PLAG1: variants seen among roughly 807,000 people sequenced by gnomAD.
PLAG1 encodes zinc finger protein PLAG1.
Under a neutral mutation model 35.5 loss-of-function variants are expected in PLAG1, and 7 were observed. That is an observed-to-expected ratio of 0.20 (90% CI 0.11 to 0.37). PLAG1 has a LOEUF of 0.37. Among genes scored for constraint, PLAG1 ranks in the 10% least tolerant of loss-of-function variants. The pLI is 1.00. For synonymous variants in PLAG1, 229 were observed against 225.4 expected (o/e 1.02, Z -0.14); for missense variants, 454 against 602.8 (o/e 0.75, Z 2.58).
intron 1 of PLAG1, among the ~76,000 whole-genome samples, chr8:56,206,642 A>C (rs1812709512): frequency 6.6e-6 from 1 of 152,022 alleles, no homozygotes; most frequent in African/African-American, 2.4e-5. Flanking sequence ...TTCATATTTT[A>C]CTTACTTGTA....
intron 1 of PLAG1, among the ~76,000 whole-genome samples, chr8:56,185,372 T>C (rs1563383595): frequency 6.6e-6 from 1 of 152,098 alleles, no homozygotes; most frequent in African/African-American, 2.4e-5. Flanking sequence ...ATATCAATTA[T>C]ACCCCCCAAA....
intron 1 of PLAG1, among the ~76,000 whole-genome samples, chr8:56,200,200 G>C (rs963289322): frequency 6.6e-6 from 1 of 152,160 alleles, no homozygotes; most frequent in African/African-American, 2.4e-5. Context: ...TCCTCTGTGA[G>C]TCTAATTCCC....
chr8:56,199,675 C>T (rs1309318182), intron 1 of PLAG1, among the ~76,000 whole-genome samples: 2 of 152,044 alleles, frequency 1.3e-5, no homozygotes, highest in African/African-American at 4.8e-5. Flanking sequence ...CCCTGGGGCC[C>T]AGCCTCCCCA....
chr8:56,190,163 C>T (rs1812141941), intron 1 of PLAG1, among the ~76,000 whole-genome samples: 1 of 152,166 alleles, frequency 6.6e-6, no homozygotes, highest in African/African-American at 2.4e-5. Context: ...ATAAATGATA[C>T]TGCATGTAAG....
rs1279736661 is a variant in PLAG1, at chr8:56,166,798, T to C, written c.948A>G (p.Thr316=). The change falls in exon 5 of 5, where the codon ACA becomes ACG. Residue 316 remains threonine (T), a synonymous_variant. Coordinates refer to ENST00000316981, the MANE Select transcript of PLAG1 (RefSeq NM_002655.3). ...QMITTLPLGM[T]CPIDMDTVHP... Reference sequence around the variant, plus strand: ...GAACAGTGTCCATATCTATTGGGCATGTCATTCCCAAAGGTAAAGTTGTGA... The same window carrying C: ...GAACAGTGTCCATATCTATTGGGCACGTCATTCCCAAAGGTAAAGTTGTGA... 1.2e-6 allele frequency: 2 copies of C among 1,614,062 alleles called. No individual in the cohort carries two copies. Among genetic ancestry groups the C allele is most frequent in the South Asian group, 1.1e-5 (1 of 91,084 alleles).
chr8:56,193,551 C>A (rs1812251037), intron 1 of PLAG1, among the ~76,000 whole-genome samples: 1 of 152,036 alleles, frequency 6.6e-6, no homozygotes, highest in East Asian at 1.9e-4. Context: ...ATTTTTGTAC[C>A]CTTGACCCTG....
At chr8:56,169,315 G>C (rs1328964851) in intron 3 of PLAG1, among the ~76,000 whole-genome samples, 1 of 152,122 alleles carries the variant, frequency 6.6e-6, no homozygotes, top group Non-Finnish European at 1.5e-5. Context: ...TGGTAAAAAG[G>C]TGTGTCAGAG....
chr8:56,210,789 G>A (rs939404642), intron 1 of PLAG1, among the ~76,000 whole-genome samples: 9 of 151,376 alleles, frequency 5.9e-5, no homozygotes, highest in Non-Finnish European at 1.3e-4. Context: ...AGGAGGAGGA[G>A]GAGGAAAACT....
At chr8:56,202,025 T>G (rs1812570251) in intron 1 of PLAG1, among the ~76,000 whole-genome samples, 2 of 151,742 alleles carry the variant, frequency 1.3e-5, no homozygotes, top group Admixed American at 1.3e-4. Flanking sequence ...AATAAAAAAT[T>G]TTGTAACATC....
At chr8:56,210,897 C>G (rs929065425) in intron 1 of PLAG1, among the ~76,000 whole-genome samples, 4 of 151,736 alleles carry the variant, frequency 2.6e-5, no homozygotes, top group African/African-American at 9.7e-5. Flanking sequence ...CTGTCAGAAG[C>G]GACTTCGGGA....
intron 1 of PLAG1, among the ~76,000 whole-genome samples, chr8:56,179,883 T>C (rs1003416710): frequency 2.0e-5 from 3 of 152,132 alleles, no homozygotes; most frequent in Admixed American, 6.5e-5. Context: ...GTCTATCTTG[T>C]CCTTAACAAT....
intron 1 of PLAG1, among the ~76,000 whole-genome samples, chr8:56,201,826 G>A (rs894172909): frequency 3.9e-5 from 6 of 152,102 alleles, no homozygotes; most frequent in African/African-American, 1.4e-4. Context: ...AGTATTTTAT[G>A]GCTGAAGCAT....
intron 1 of PLAG1, among the ~76,000 whole-genome samples, chr8:56,205,471 A>G (rs745556671): frequency 2.0e-5 from 3 of 151,854 alleles, no homozygotes; most frequent in South Asian, 2.1e-4. Flanking sequence ...GAAACCAGCA[A>G]TTGGTATTAA....
In PLAG1 at chr8:56,166,133, A is replaced by C; in HGVS notation, c.*110T>G. On this transcript the variant is annotated 3_prime_UTR_variant, in exon 5 of 5. Transcript: ENST00000316981. ...TACTGGCTTAATGAAAATTTGTATT[A>C]TACAAAAGCAGAAATTTTTATACTG... 5.5e-6 allele frequency: 4 copies of C among 730,852 alleles called. No homozygotes were observed. The highest frequency in any genetic ancestry group is 2.5e-4 in the Middle Eastern group (1 of 3,960). 45.3% of individuals were successfully genotyped at this position (730,852 alleles called of 1,614,324 possible).
Position 56,167,089 on chromosome 8 carries a change from T to C in PLAG1, c.657A>G (p.Ala219=). 1.2e-6 allele frequency: 2 copies of C among 1,614,128 alleles called. No homozygotes were observed. The highest frequency in any genetic ancestry group is 2.2e-5 in the South Asian group (2 of 91,074). ...GGTGATCCTTTCGCCCAAATCTCTG[T>C]GCACAATACTGACAGAGGAAGTCCT... ...GRKDFLCQYC[A]QRFGRKDHLT... is the part of the protein sequence containing the mutation. Residue 219 remains alanine, a synonymous_variant, in exon 5 of 5, where the codon GCA becomes GCG. Coordinates refer to ENST00000316981, the MANE Select transcript of PLAG1 (RefSeq NM_002655.3). The surrounding 1 kb of genome is among the most constrained non-coding windows in gnomAD (Gnocchi z 5.9).
intron 1 of PLAG1, among the ~76,000 whole-genome samples, chr8:56,196,305 G>T (rs865786001): frequency 1.3e-5 from 2 of 152,166 alleles, no homozygotes; most frequent in South Asian, 4.1e-4. Flanking sequence ...AGCATTTACT[G>T]TATTGGTTTA....
chr8:56,176,339 C>T (rs1811695014), intron 2 of PLAG1, among the ~76,000 whole-genome samples: 1 of 149,528 alleles, frequency 6.7e-6, no homozygotes, highest in African/African-American at 2.5e-5. Context: ...AGGCGTGAGC[C>T]ACCATGCCCA....
At chr8:56,189,713 G>A (rs1257987626) in intron 1 of PLAG1, among the ~76,000 whole-genome samples, 1 of 152,240 alleles carries the variant, frequency 6.6e-6, no homozygotes, top group African/African-American at 2.4e-5. Flanking sequence ...AAGCTTTGGA[G>A]ATGGGAATTT....
Position 56,167,453 on chromosome 8 carries a change from T to C in PLAG1, c.293A>G (p.Glu98Gly). ...ATGATCTTTCCGGTGAAACATTTTCTCACAATAATTACACTTGTGGGTTTT... is the reference window on the plus strand; with the variant it reads ...ATGATCTTTCCGGTGAAACATTTTCCCACAATAATTACACTTGTGGGTTTT... ...PEKTHKCNYC[E>G]KMFHRKDHLK... The change falls in exon 5 of 5, where the codon GAG (glutamate) becomes GGG (glycine). Residue 98 changes from glutamate to glycine, a missense_variant. Around this residue, in one of 4 missense-constraint regions of PLAG1, gnomAD observed 170 missense variants for 226.3 expected, o/e 0.75. Coordinates refer to ENST00000316981, the MANE Select transcript of PLAG1 (RefSeq NM_002655.3). The surrounding 1 kb of genome is among the most constrained non-coding windows in gnomAD (Gnocchi z 5.9). The C allele has an allele frequency of 6.2e-7, 1 of 1,612,406 alleles. No individual in the cohort carries two copies. The highest frequency in any genetic ancestry group is 1.1e-5 in the South Asian group (1 of 90,902).
Sources: allele counts gnomAD v4.1 joint callset (sites outside exome capture counted in the v4.1 genomes callset), GRCh38; gene constraint gnomAD v4.1.1; regional missense constraint gnomAD v4.1.1; non-coding constraint Gnocchi (gnomAD v3.1); transcripts MANE v1.5; gene names NCBI Gene and HGNC (gene_info 2026-07-23, HGNC 2026-07-21).